The following PRKCI variants were observed in gnomAD, a reference collection of about 807,000 sequenced individuals.
The protein encoded by PRKCI is protein kinase C iota, also known as protein kinase C iota type.
In PRKCI, 43 loss-of-function variants were observed where a neutral mutation model predicts 84.0. The ratio of observed to expected loss-of-function variants is 0.51; its 90% confidence interval spans 0.40 to 0.66. The LOEUF (loss-of-function observed/expected upper bound fraction) is 0.66, where lower values mean the gene tolerates loss of function less well. Among genes scored for constraint, PRKCI ranks in the 30% least tolerant of loss-of-function variants. PRKCI has a pLI of 0.00. For synonymous variants in PRKCI, 216 were observed against 234.4 expected (o/e 0.92, Z 0.72); for missense variants, 459 against 745.6 (o/e 0.62, Z 4.48).
chr3:170,296,350 C>CT (rs1734685390), intron 15 of PRKCI, among the ~76,000 whole-genome samples: 1 of 152,204 alleles, frequency 6.6e-6, no homozygotes, highest in Non-Finnish European at 1.5e-5. Flanking sequence ...TCCATAGAAT[C>CT]TATTTATTAC....
chr3:170,230,600 GA>G (rs1577338411), intron 1 of PRKCI, among the ~76,000 whole-genome samples: 2 of 152,258 alleles, frequency 1.3e-5, no homozygotes, highest in East Asian at 1.9e-4. Context: ...GAAGTGCTGG[GA>G]TTTTAGGCGT....
chr3:170,282,119 A>G, intron 11 of PRKCI, 151 bp downstream of exon 11: 1 of 715,900 alleles, frequency 1.4e-6, no homozygotes, highest in Non-Finnish European at 2.2e-6. Flanking sequence ...GTTAATTTAC[A>G]TTATATATAT....
rs567671701 is a variant in PRKCI, at chr3:170,250,908, G to A, written c.224-9061G>A. On this transcript the variant is annotated intron_variant, in intron 2 of 17. Transcript: ENST00000295797. ...AAAAATAGTGTACCTGTGTAGTGTG[G>A]TTAAATCATGTTGACCTCACTCTCT... Among the ~76,000 whole-genome samples the A allele has an allele frequency of 2.6e-5, 4 of 152,176 alleles. No individual in the cohort carries two copies. The South Asian group carries it at 6.2e-4, about 24-fold the overall frequency.
At position 170,293,558 on chromosome 3, in the gene PRKCI, G is replaced by T. The variant is rs550902506; in HGVS notation, c.1417+50G>T. The T allele has an allele frequency of 1.3e-5, 20 of 1,568,714 alleles. No individual in the cohort carries two copies. In the South Asian group the frequency reaches 2.1e-4, roughly 16 times the overall value. On this transcript the variant is annotated intron_variant, in intron 14 of 17. Coordinates refer to ENST00000295797, the MANE Select transcript of PRKCI (RefSeq NM_002740.6). Reference sequence around the variant, plus strand: ...TTCTCTGAGAAAAACCTATTCTAGAGTACAAATGAGAGTGATTCAGGTTAC... The same window carrying T: ...TTCTCTGAGAAAAACCTATTCTAGATTACAAATGAGAGTGATTCAGGTTAC...
intron 2 of PRKCI, among the ~76,000 whole-genome samples, chr3:170,239,320 A>G (rs940606603): frequency 6.6e-6 from 1 of 152,236 alleles, no homozygotes. Flanking sequence ...TGACTATCTC[A>G]CAATATGTCT....
At chr3:170,276,894 T>C (rs1224462675) in intron 8 of PRKCI, among the ~76,000 whole-genome samples, 2 of 151,656 alleles carry the variant, frequency 1.3e-5, no homozygotes, top group African/African-American at 4.8e-5. Context: ...CCAACAAAGA[T>C]CTCATATCCA....
rs1292998335 is a variant in PRKCI, at chr3:170,235,244, C to T, written c.116C>T (p.Thr39Ile). ...TTCTTTTTCAGGGATATCATGATAA[C>T]ACATTTTGAACCTTCCATCTCCTTT... Reference protein sequence around the residue: ...KAYYRGDIMITHFEPSISFEG... With the variant: ...KAYYRGDIMIIHFEPSISFEG... The change falls in exon 2 of 18, where the codon ACA (threonine) becomes ATA (isoleucine). Residue 39 changes from threonine (T) to isoleucine (I), a missense_variant. By Grantham distance (89) the Thr-to-Ile change is moderately conservative. Coordinates refer to ENST00000295797, the MANE Select transcript of PRKCI (RefSeq NM_002740.6). The T allele has an allele frequency of 1.9e-6, 3 of 1,613,554 alleles. No individual in the cohort carries two copies. The highest frequency in any genetic ancestry group is 2.5e-6 in the Non-Finnish European group (3 of 1,179,646).
At chr3:170,300,441 CTTT>C (rs1414250228) in intron 17 of PRKCI, among the ~76,000 whole-genome samples, 4 of 152,024 alleles carry the variant, frequency 2.6e-5, no homozygotes, top group African/African-American at 9.7e-5. Flanking sequence ...TGTCAGTTAT[CTTT>C]TTATTAGACC....
At chr3:170,297,859 A>T (rs866441308) in intron 16 of PRKCI, among the ~76,000 whole-genome samples, 260 of 152,140 alleles carry the variant, frequency 1.7e-3, no homozygotes, top group African/African-American at 5.9e-3. Context: ...ACAAAAAAAA[A>T]ATTCAATTTT....
chr3:170,282,079 T>A (rs539811969), intron 11 of PRKCI, 111 bp downstream of exon 11: 1 of 1,133,904 alleles, frequency 8.8e-7, no homozygotes, highest in Admixed American at 2.8e-5. Context: ...TAGTTAATTA[T>A]TTGTAAGTCA....
chr3:170,238,297 A>AG (rs35480678), intron 2 of PRKCI, among the ~76,000 whole-genome samples: 104,970 of 151,244 alleles, frequency 0.69, 36,686 homozygotes, highest in Middle Eastern at 0.77. Flanking sequence ...TGGGAGACGG[A>AG]GGTTACAGTG....
In PRKCI at chr3:170,293,439, A is replaced by G. The variant is rs1388083127; in HGVS notation, c.1348A>G (p.Arg450Gly). The G allele has an allele frequency of 5.6e-6, 9 of 1,613,440 alleles. No homozygotes were observed. Among genetic ancestry groups the G allele is most frequent in the Non-Finnish European group, 6.8e-6 (8 of 1,179,534 alleles). ...GCTCATGTTTGAGATGATGGCAGGA[A>G]GGTCTCCATTTGATATTGTTGGGAG... ...GVLMFEMMAG[R>G]SPFDIVGSSD... is the part of the protein sequence containing the mutation. The change falls in exon 14 of 18, where the codon AGG becomes GGG. Residue 450 changes from arginine (R) to glycine (G), a missense_variant. Arg to Gly is a moderately radical substitution (Grantham distance 125). Around this residue, in one of 2 missense-constraint regions of PRKCI, gnomAD observed 209 missense variants for 425.9 expected, o/e 0.49. Coordinates refer to ENST00000295797, the MANE Select transcript of PRKCI (RefSeq NM_002740.6).
At chr3:170,255,684 A>G (rs1733568270) in intron 2 of PRKCI, among the ~76,000 whole-genome samples, 1 of 152,108 alleles carries the variant, frequency 6.6e-6, no homozygotes, top group South Asian at 2.1e-4. Context: ...TTGGACTTCC[A>G]TTACTATGTT....
intron 12 of PRKCI, among the ~76,000 whole-genome samples, chr3:170,291,311 A>G (rs1488934532): frequency 6.6e-6 from 1 of 152,232 alleles, no homozygotes; most frequent in African/African-American, 2.4e-5. Context: ...ATTATTTTAA[A>G]TTCAAGTCGT....
chr3:170,275,357 G>T, intron 8 of PRKCI, 70 bp downstream of exon 8: 1 of 1,452,784 alleles, frequency 6.9e-7, no homozygotes. Flanking sequence ...TTAAAAGTAT[G>T]ACATATTGAC....
At chr3:170,283,697 A>G (rs537023060) in intron 11 of PRKCI, among the ~76,000 whole-genome samples, 1 of 152,324 alleles carries the variant, frequency 6.6e-6, no homozygotes, top group South Asian at 2.1e-4. Flanking sequence ...TTTTGGTTTT[A>G]TACCATCTTT....
chr3:170,285,940 T>G (rs1734374306), intron 12 of PRKCI, among the ~76,000 whole-genome samples: 2 of 151,462 alleles, frequency 1.3e-5, no homozygotes, highest in Non-Finnish European at 1.5e-5. Flanking sequence ...TTTTTAATTT[T>G]TGAGACAGAG....
Position 170,234,031 on chromosome 3 carries a change from CTTTTTTT to C in PRKCI, c.102-1186_102-1180del, listed in dbSNP as rs386398519. 3.2e-5 allele frequency among the ~76,000 whole-genome samples: 3 copies of C among 93,364 alleles called. 1 individual carries two copies. Among genetic ancestry groups the C allele is most frequent in the Admixed American group, 3.0e-4 (2 of 6,694 alleles). The allele number at this position is 93,364 out of a possible 152,430, so 61.3% of individuals were successfully genotyped here. On this transcript the variant is annotated intron_variant, in intron 1 of 17. Coordinates refer to ENST00000295797, the MANE Select transcript of PRKCI (RefSeq NM_002740.6). Reference sequence around the variant, plus strand: ...CCACCACACCCAGCCTATACTTACACTTTTTTTTTTTTTTTTTTTGAGATGGAGTTTC... The same window carrying C: ...CCACCACACCCAGCCTATACTTACACTTTTTTTTTTTTGAGATGGAGTTTC...
chr3:170,245,071 G>T (rs182022414), intron 2 of PRKCI, among the ~76,000 whole-genome samples: 25 of 152,176 alleles, frequency 1.6e-4, no homozygotes, highest in African/African-American at 6.0e-4. Flanking sequence ...GTTGTTCTCG[G>T]TGGGTCTGGA....
Sources: gnomAD v4.1 joint callset for allele counts (sites outside exome capture counted in the v4.1 genomes callset) on GRCh38, gnomAD v4.1.1 for gene constraint, gnomAD v4.1.1 regional missense constraint, MANE v1.5 for transcripts, NCBI Gene and HGNC (gene_info 2026-07-23, HGNC 2026-07-21) for gene names.